Variants in SSH2 observed in about 807,000 individuals in gnomAD.
SSH2 encodes slingshot protein phosphatase 2, also known as protein phosphatase Slingshot homolog 2.
Under a neutral mutation model 135.2 loss-of-function variants are expected in SSH2, and 37 were observed. The ratio of observed to expected loss-of-function variants is 0.27; its 90% confidence interval spans 0.21 to 0.36. SSH2 has a LOEUF of 0.36. SSH2 is among the 10% of genes least tolerant of loss of function. The pLI is 1.00. For missense variants in SSH2, 1,408 were observed against 1,765.3 expected, an observed-to-expected ratio of 0.80 and a Z score of 3.63; for synonymous variants, 628 against 646.2, an observed-to-expected ratio of 0.97 and a Z score of 0.43.
At chr17:29,764,756 G>A (rs983295560) in intron 3 of SSH2, among the ~76,000 whole-genome samples, 1 of 152,154 alleles carries the variant, frequency 6.6e-6, no homozygotes, top group Non-Finnish European at 1.5e-5. Context: ...ACCAAATTAA[G>A]TTTTTGTAGG....
chr17:29,754,105 T>C (rs1567949507), intron 3 of SSH2, among the ~76,000 whole-genome samples: 1 of 152,230 alleles, frequency 6.6e-6, no homozygotes, highest in Non-Finnish European at 1.5e-5. Flanking sequence ...ATGTGGACGA[T>C]GACTTGCCCA....
At chr17:29,897,069 C>T (rs2066459186) in intron 1 of SSH2, among the ~76,000 whole-genome samples, 1 of 151,792 alleles carries the variant, frequency 6.6e-6, no homozygotes. Context: ...GAATAAATAA[C>T]TCACTTAAGT....
rs61737982 is a variant in SSH2, at chr17:29,636,150, G to A, written c.2080C>T (p.Arg694Trp). 18 of 1,614,166 alleles carry A rather than the reference G, an allele frequency of 1.1e-5. No homozygotes were observed. Among genetic ancestry groups the A allele is most frequent in the African/African-American group, 4.0e-5 (3 of 75,032 alleles). ...EKFVELSQET[R>W]SRSFSHSRME... ...CTTGAATGGGAAAAAGATCGTGACC[G>A]GGTTTCTTGGGAGAGCTCCACAAAC... Residue 694 changes from arginine to tryptophan, a missense_variant, in exon 15 of 16, where the codon CGG becomes TGG. This residue lies in a region of SSH2 where 1,080 missense variants were observed against 1,144.5 expected (regional missense o/e 0.94). Transcript: ENST00000540801.
In SSH2 at chr17:29,643,028, A is replaced by G. The variant is rs149162678; in HGVS notation, c.1427+5116T>C. Reference sequence around the variant, plus strand: ...ATAAAATATAAAATGCAAGATCTAAACACTTGGACAGGAAATGGACTTTCT... The same window carrying G: ...ATAAAATATAAAATGCAAGATCTAAGCACTTGGACAGGAAATGGACTTTCT... On this transcript the variant is annotated intron_variant, in intron 14 of 15. Coordinates refer to ENST00000540801, the MANE Select transcript of SSH2 (RefSeq NM_001282129.2). 25 of 715,458 alleles carry G rather than the reference A, an allele frequency of 3.5e-5. No individual in the cohort carries two copies. The African/African-American group carries it at 4.2e-4, about 12-fold the overall frequency. 44.3% of individuals were successfully genotyped at this position (715,458 alleles called of 1,614,324 possible).
At chr17:29,779,279 A>C (rs2151285278) in intron 3 of SSH2, among the ~76,000 whole-genome samples, 1 of 152,350 alleles carries the variant, frequency 6.6e-6, no homozygotes, top group Admixed American at 6.5e-5. Context: ...CATTCTTCAG[A>C]AACAAAGAAT....
At chr17:29,683,404 T>C (rs1411217007) in intron 6 of SSH2, among the ~76,000 whole-genome samples, 1 of 152,156 alleles carries the variant, frequency 6.6e-6, no homozygotes, top group Non-Finnish European at 1.5e-5. Flanking sequence ...CAAAGGTACA[T>C]AAAAAGTTCT....
chr17:29,772,882 C>T (rs1348264278), intron 3 of SSH2, among the ~76,000 whole-genome samples: 1 of 152,074 alleles, frequency 6.6e-6, no homozygotes, highest in African/African-American at 2.4e-5. Context: ...CTGAGAATTA[C>T]TCTAAAGGCT....
At chr17:29,816,965 C>T (rs74760142) in intron 2 of SSH2, among the ~76,000 whole-genome samples, 5,381 of 152,204 alleles carry the variant, frequency 0.035, 137 homozygotes, top group African/African-American at 0.064. Context: ...ACTTACAGAA[C>T]TATTAACCTT....
chr17:29,677,736 G>C lies in SSH2; in HGVS notation c.485C>G (p.Thr162Ser), dbSNP rs1227431842. ...GMDFSSNDSS[T>S]CTMGLVLPLW... ...AGGCAAAACTAAGCCCATGGTACAA[G>C]TGCTACTGCAAGACAAGAAGTAGTC... Residue 162 changes from threonine to serine, a missense_variant, in exon 7 of 16, where the codon ACT (threonine) becomes AGT (serine). Coordinates refer to ENST00000540801, the MANE Select transcript of SSH2 (RefSeq NM_001282129.2). 2 of 1,613,814 alleles carry C rather than the reference G, an allele frequency of 1.2e-6. No individual in the cohort carries two copies. The highest frequency in any genetic ancestry group is 1.7e-6 in the Non-Finnish European group (2 of 1,179,694).
Position 29,881,478 on chromosome 17 carries a change from CCTTTCTTTTCTCTCTCTCTTTCTCTTT to C in SSH2, c.64-32576_64-32550del, listed in dbSNP as rs1446613328. Among the ~76,000 whole-genome samples, 7 of 151,884 alleles carry C rather than the reference CCTTTCTTTTCTCTCTCTCTTTCTCTTT, an allele frequency of 4.6e-5. No individual in the cohort carries two copies. In the East Asian group the frequency reaches 1.2e-3, roughly 25 times the overall value. Reference sequence around the variant, plus strand: ...TCTTTCATTCTTTCTTCCTTTTCTTCCTTTCTTTTCTCTCTCTCTTTCTCTTTCTTTCTTTTTTTCCGAGACAGAGTC... The same window carrying C: ...TCTTTCATTCTTTCTTCCTTTTCTTCCTTTCTTTTTTTCCGAGACAGAGTC... On this transcript the variant is annotated intron_variant, in intron 1 of 15. Transcript: ENST00000540801.
At chr17:29,679,594 T>C (rs2037881510) in intron 6 of SSH2, among the ~76,000 whole-genome samples, 1 of 151,932 alleles carries the variant, frequency 6.6e-6, no homozygotes, top group Admixed American at 6.6e-5. Context: ...TTAGTAGAGA[T>C]GGGGTTTCTC....
chr17:29,762,714 G>GCT (rs1207186805), intron 3 of SSH2, among the ~76,000 whole-genome samples: 2 of 152,120 alleles, frequency 1.3e-5, no homozygotes, highest in South Asian at 2.1e-4. Flanking sequence ...ATATGACTGC[G>GCT]CTCTCTCTCT....
intron 3 of SSH2, among the ~76,000 whole-genome samples, chr17:29,761,862 T>TGTGG: frequency 7.4e-6 from 1 of 135,622 alleles, no homozygotes; most frequent in African/African-American, 3.0e-5. Flanking sequence ...TGTGTGTGTG[T>TGTGG]GTGTGTGTGT....
intron 1 of SSH2, among the ~76,000 whole-genome samples, chr17:29,924,647 TC>T (rs1297790171): frequency 6.6e-6 from 1 of 152,092 alleles, no homozygotes; most frequent in Non-Finnish European, 1.5e-5. Context: ...GTTTTTTTTT[TC>T]CTTTTCCCTT....
At chr17:29,876,298 T>C (rs576324126) in intron 1 of SSH2, among the ~76,000 whole-genome samples, 2 of 151,222 alleles carry the variant, frequency 1.3e-5, no homozygotes, top group Admixed American at 6.6e-5. Flanking sequence ...AATAGACACA[T>C]AGACCAATGG....
Position 29,762,018 on chromosome 17 carries a change from T to C in SSH2, c.188+31876A>G, listed in dbSNP as rs946974760. 2.1e-4 allele frequency among the ~76,000 whole-genome samples: 32 copies of C among 151,956 alleles called. 1 individual carries two copies. The highest frequency in any genetic ancestry group is 1.5e-4 in the Non-Finnish European group (10 of 67,980). ...GCCTCAGCCTCCCGAGTAGCTGGCATTACAGGTTTGCGCCACCACGCCTGG... is the reference window on the plus strand; with the variant it reads ...GCCTCAGCCTCCCGAGTAGCTGGCACTACAGGTTTGCGCCACCACGCCTGG... On this transcript the variant is annotated intron_variant, in intron 3 of 15. Coordinates refer to ENST00000540801, the MANE Select transcript of SSH2 (RefSeq NM_001282129.2).
intron 2 of SSH2, among the ~76,000 whole-genome samples, chr17:29,819,189 GA>G (rs1252667347): frequency 6.7e-6 from 1 of 150,138 alleles, no homozygotes. Context: ...TCGCGCCATT[GA>G]AAAAAAAAGC....
chr17:29,922,392 AAAG>A (rs146763282), intron 1 of SSH2, among the ~76,000 whole-genome samples: 62,965 of 151,902 alleles, frequency 0.41, 14,996 homozygotes, highest in East Asian at 0.69. Context: ...CACAAACTGA[AAAG>A]AATAGCTCAT....
rs760064584 is a variant in SSH2, at chr17:29,929,926, G to A, written c.63+12C>T. ...ACAGAAGCAAGCGGAGCGGCCGCCA[G>A]GAAGGACTCACCGAGGCGCAGGGGC... On this transcript the variant is annotated intron_variant, in intron 1 of 15. Transcript: ENST00000540801. The A allele has an allele frequency of 5.0e-6, 8 of 1,591,728 alleles. No homozygotes were observed. The East Asian group carries it at 1.4e-4, about 27-fold the overall frequency.
Sources: allele counts gnomAD v4.1 joint callset (sites outside exome capture counted in the v4.1 genomes callset), GRCh38; gene constraint gnomAD v4.1.1; regional missense constraint gnomAD v4.1.1; transcripts MANE v1.5; gene names NCBI Gene and HGNC (gene_info 2026-07-23, HGNC 2026-07-21).